Variants in COX7B2 observed in about 807,000 individuals in gnomAD.
COX7B2 encodes the protein cytochrome c oxidase subunit 7B2, mitochondrial.
For missense variants in COX7B2, 109 were observed against 95.9 expected (o/e 1.14, Z -0.57); for synonymous variants, 37 against 32.1 (o/e 1.15, Z -0.51).
intron 1 of COX7B2, among the ~76,000 whole-genome samples, chr4:46,865,528 G>A (rs766424798): frequency 6.6e-6 from 1 of 152,148 alleles, no homozygotes; most frequent in African/African-American, 2.4e-5. Flanking sequence ...GGTAAGAATA[G>A]GAGTATCAAT....
chr4:46,756,208 G>T (rs1289496450), intron 2 of COX7B2, among the ~76,000 whole-genome samples: 2 of 152,004 alleles, frequency 1.3e-5, no homozygotes, highest in Non-Finnish European at 1.5e-5. Context: ...ATATGCAGTG[G>T]ATAAAGGACA....
chr4:46,754,698 G>A (rs1190161372), intron 2 of COX7B2, among the ~76,000 whole-genome samples: 1 of 72,270 alleles, frequency 1.4e-5, no homozygotes, highest in Admixed American at 2.2e-4. Context: ...AATAAAATAC[G>A]TGTGTGTGTG....
intron 2 of COX7B2, among the ~76,000 whole-genome samples, chr4:46,809,623 G>A (rs1029354066): frequency 6.6e-6 from 1 of 151,818 alleles, no homozygotes; most frequent in Non-Finnish European, 1.5e-5. Context: ...ATTAGTGTCA[G>A]AAATGATACT....
At chr4:46,796,371 G>T (rs1718344765) in intron 2 of COX7B2, among the ~76,000 whole-genome samples, 1 of 148,150 alleles carries the variant, frequency 6.7e-6, no homozygotes, top group Non-Finnish European at 1.5e-5. Flanking sequence ...TCAGAGAAAT[G>T]CAAATCAAAA....
At chr4:46,855,998 C>T (rs1030967643) in intron 1 of COX7B2, among the ~76,000 whole-genome samples, 8 of 152,058 alleles carry the variant, frequency 5.3e-5, no homozygotes, top group Admixed American at 5.2e-4. Flanking sequence ...AATCCCAGCA[C>T]TTTGGGAGGC....
intron 2 of COX7B2, among the ~76,000 whole-genome samples, chr4:46,807,500 T>G (rs1197508356): frequency 1.3e-4 from 19 of 150,374 alleles, no homozygotes. Context: ...ATACAGGAGT[T>G]TTTTTAGTTT....
At chr4:46,892,431 A>G (rs1182021492) in intron 1 of COX7B2, among the ~76,000 whole-genome samples, 1 of 152,210 alleles carries the variant, frequency 6.6e-6, no homozygotes, top group Non-Finnish European at 1.5e-5. Flanking sequence ...TGAGGTGTGT[A>G]CTGGCTTGGC....
chr4:46,805,346 C>G (rs1034316100), intron 2 of COX7B2, among the ~76,000 whole-genome samples: 1 of 152,242 alleles, frequency 6.6e-6, no homozygotes, highest in Non-Finnish European at 1.5e-5. Context: ...AGCACGCTGT[C>G]ACCTCTCAAT....
chr4:46,805,161 C>G (rs954936835), intron 2 of COX7B2, among the ~76,000 whole-genome samples: 1 of 152,208 alleles, frequency 6.6e-6, no homozygotes, highest in Non-Finnish European at 1.5e-5. Flanking sequence ...CAGTTCCCAC[C>G]CATGCCTCTC....
At chr4:46,743,281 TA>T (rs1260392790) in intron 2 of COX7B2, among the ~76,000 whole-genome samples, 1 of 152,204 alleles carries the variant, frequency 6.6e-6, no homozygotes, top group African/African-American at 2.4e-5. Context: ...TCCCTTAGTG[TA>T]ATCACATTTC....
intron 2 of COX7B2, among the ~76,000 whole-genome samples, chr4:46,814,492 A>G (rs1043500497): frequency 6.6e-6 from 1 of 152,188 alleles, no homozygotes; most frequent in Non-Finnish European, 1.5e-5. Context: ...CAAACTATAC[A>G]ACATTTATAG....
At chr4:46,896,692 C>A (rs370075092) in intron 1 of COX7B2, among the ~76,000 whole-genome samples, 1 of 151,624 alleles carries the variant, frequency 6.6e-6, no homozygotes, top group Non-Finnish European at 1.5e-5. Flanking sequence ...AGAAGTAAAC[C>A]ACAACACACC....
At chr4:46,860,052 A>G (rs1255655527) in intron 1 of COX7B2, among the ~76,000 whole-genome samples, 3 of 152,134 alleles carry the variant, frequency 2.0e-5, no homozygotes, top group East Asian at 1.9e-4. Context: ...GATGAGCCCA[A>G]ATTTTGAAGC....
intron 2 of COX7B2, among the ~76,000 whole-genome samples, chr4:46,760,507 T>A (rs2109470638): frequency 6.6e-6 from 1 of 151,644 alleles, no homozygotes; most frequent in South Asian, 2.1e-4. Context: ...AGTTGAACAA[T>A]GAGAACACAT....
At chr4:46,896,365 AG>A (rs1231386878) in intron 1 of COX7B2, among the ~76,000 whole-genome samples, 2 of 152,202 alleles carry the variant, frequency 1.3e-5, no homozygotes, top group Admixed American at 6.5e-5. Flanking sequence ...TGCTATTGGT[AG>A]ATGTACCCAG....
At chr4:46,831,178 C>A (rs544395736) in intron 2 of COX7B2, among the ~76,000 whole-genome samples, 61 of 152,256 alleles carry the variant, frequency 4.0e-4, no homozygotes, top group African/African-American at 1.4e-3. Context: ...GGCTTAGCCC[C>A]CAGGCCAGCA....
At position 46,869,353 on chromosome 4, in the gene COX7B2, C is replaced by T. The variant is rs887379451; in HGVS notation, c.-104-24339G>A. On this transcript the variant is annotated intron_variant, in intron 1 of 2. Transcript: ENST00000355591. ...GTCACTCTGTGTCTTTTAAGTGGTG[C>T]ATTTAGTTCATTTACATTCAAGGTT... is the stretch of plus-strand genomic sequence containing the variant. Among the ~76,000 whole-genome samples the T allele has an allele frequency of 2.6e-5, 4 of 152,150 alleles. No homozygotes were observed. The East Asian group carries it at 5.8e-4, about 22-fold the overall frequency.
chr4:46,835,524 T>G (rs922532179), intron 2 of COX7B2, among the ~76,000 whole-genome samples: 2 of 152,080 alleles, frequency 1.3e-5, no homozygotes, highest in Non-Finnish European at 2.9e-5. Context: ...TTTGGGACAG[T>G]AAGCAGGCCT....
At chr4:46,853,944 A>T (rs1716855829) in intron 1 of COX7B2, among the ~76,000 whole-genome samples, 1 of 152,142 alleles carries the variant, frequency 6.6e-6, no homozygotes, top group African/African-American at 2.4e-5. Context: ...AGAAAATTTT[A>T]AAGCAAAATA....
Sources: gnomAD v4.1 joint callset for allele counts (sites outside exome capture counted in the v4.1 genomes callset) on GRCh38, gnomAD v4.1.1 for gene constraint, MANE v1.5 for transcripts, NCBI Gene and HGNC (gene_info 2026-07-23, HGNC 2026-07-21) for gene names.